Variants in ZFHX3 observed in about 807,000 individuals in gnomAD.
ZFHX3 encodes zinc finger homeobox 3.
A neutral mutation model predicts 279.1 loss-of-function variants in ZFHX3; 42 were observed. That is an observed-to-expected ratio of 0.15 (90% CI 0.12 to 0.19). ZFHX3 has a LOEUF of 0.19. ZFHX3 is among the 10% of genes least tolerant of loss of function. The pLI is 1.00. For missense variants in ZFHX3, 4,981 were observed against 4,754.0 expected (o/e 1.05, Z -1.40); for synonymous variants, 2,293 against 1,957.8 (o/e 1.17, Z -4.52).
intron 3 of ZFHX3, among the ~76,000 whole-genome samples, chr16:72,917,080 A>G (rs934585849): frequency 1.3e-5 from 2 of 152,180 alleles, no homozygotes; most frequent in African/African-American, 2.4e-5. Context: ...CGCTACAAAA[A>G]AAACACAAAA....
intron 1 of ZFHX3, among the ~76,000 whole-genome samples, chr16:73,821,360 G>C (rs1960735825): frequency 6.6e-6 from 1 of 152,172 alleles, no homozygotes; most frequent in Non-Finnish European, 1.5e-5. Context: ...ATCTCTGATG[G>C]AATTTCTAAA....
chr16:73,309,906 CT>C (rs57812149), intron 4 of ZFHX3, among the ~76,000 whole-genome samples: 67 of 114,414 alleles, frequency 5.9e-4, no homozygotes, highest in South Asian at 1.6e-3. Context: ...TTTTTCTTGC[CT>C]TTTTTTTTTT....
At chr16:73,110,169 A>G (rs1398907610) in intron 7 of ZFHX3, among the ~76,000 whole-genome samples, 2 of 151,648 alleles carry the variant, frequency 1.3e-5, no homozygotes, top group Non-Finnish European at 2.9e-5. Context: ...GCGCCACTGC[A>G]CTCCAGCCTG....
At chr16:73,466,447 G>A (rs953820033) in intron 2 of ZFHX3, among the ~76,000 whole-genome samples, 2 of 152,158 alleles carry the variant, frequency 1.3e-5, no homozygotes, top group African/African-American at 4.8e-5. Flanking sequence ...GCACCACTGC[G>A]CTCCAGCTTG....
chr16:73,093,461 C>A (rs1436917836), exon 8 of ZFHX3: 1 of 497,636 alleles, frequency 2.0e-6, no homozygotes, highest in Non-Finnish European at 4.0e-6. Flanking sequence ...TTGGGGGTTC[C>A]AGGGCTCTCA....
chr16:73,854,453 G>T (rs1438598872), intron 1 of ZFHX3, among the ~76,000 whole-genome samples: 2 of 152,086 alleles, frequency 1.3e-5, no homozygotes, highest in African/African-American at 4.8e-5. Context: ...CTTGAACCCA[G>T]GAGGCAGTTG....
At chr16:73,689,951 C>A (rs2053132305) in intron 1 of ZFHX3, among the ~76,000 whole-genome samples, 3 of 151,962 alleles carry the variant, frequency 2.0e-5, no homozygotes, top group Admixed American at 2.0e-4. Flanking sequence ...TCCTGAGTAG[C>A]ATCACCCAGG....
At chr16:73,050,689 T>C (rs1965432391), upstream of ZFHX3, among the ~76,000 whole-genome samples, 1 of 152,176 alleles carries the variant, frequency 6.6e-6, no homozygotes, top group African/African-American at 2.4e-5. Flanking sequence ...GGCAGCTGCC[T>C]GATGTTAAAC....
chr16:73,301,388 T>A (rs1301748583), intron 4 of ZFHX3, among the ~76,000 whole-genome samples: 1 of 152,180 alleles, frequency 6.6e-6, no homozygotes, highest in African/African-American at 2.4e-5. Flanking sequence ...GGTCACTCAA[T>A]CTTGGATCTA....
chr16:73,366,652 C>T (rs79282910), intron 3 of ZFHX3, among the ~76,000 whole-genome samples: 3,929 of 151,120 alleles, frequency 0.026, 67 homozygotes, highest in Middle Eastern at 0.066. Flanking sequence ...AGCAATGGTT[C>T]CAGAGTAGCC....
intron 1 of ZFHX3, among the ~76,000 whole-genome samples, chr16:73,780,244 T>C (rs1959419182): frequency 6.9e-6 from 1 of 145,272 alleles, no homozygotes; most frequent in Non-Finnish European, 1.5e-5. Flanking sequence ...GCCTCCTGGG[T>C]TCAAGTGATT....
intron 5 of ZFHX3, among the ~76,000 whole-genome samples, chr16:72,815,171 G>A (rs1017812803): frequency 6.6e-6 from 1 of 152,186 alleles, no homozygotes; most frequent in Admixed American, 6.5e-5. Context: ...ACTTTGGAAG[G>A]CTGAGGTGGG....
chr16:73,705,284 A>G (rs113581009), intron 1 of ZFHX3, among the ~76,000 whole-genome samples: 1,840 of 152,296 alleles, frequency 0.012, 36 homozygotes, highest in African/African-American at 0.041. Flanking sequence ...AGCTGGCTCC[A>G]ACCCATCATT....
At chr16:73,191,984 C>T (rs1008383490) in intron 5 of ZFHX3, among the ~76,000 whole-genome samples, 2 of 152,228 alleles carry the variant, frequency 1.3e-5, no homozygotes, top group African/African-American at 4.8e-5. Context: ...GGGCCTCCCC[C>T]GTTAGAAGTG....
At chr16:73,062,267 AAC>A (rs1202782962), upstream of ZFHX3, 1 of 152,196 alleles carries the variant, frequency 6.6e-6, no homozygotes, top group Non-Finnish European at 1.5e-5. Context: ...TAGATATAAA[AAC>A]ACAAAAATAT....
chr16:73,774,789 T>A (rs1478732084), intron 1 of ZFHX3, among the ~76,000 whole-genome samples: 3 of 152,196 alleles, frequency 2.0e-5, no homozygotes, highest in Non-Finnish European at 4.4e-5. Context: ...TATTTGGAAC[T>A]GTGAGTGAGC....
intron 3 of ZFHX3, among the ~76,000 whole-genome samples, chr16:73,375,352 G>A (rs1236853363): frequency 6.6e-6 from 1 of 152,072 alleles, no homozygotes; most frequent in African/African-American, 2.4e-5. Context: ...GCCTCATCTT[G>A]TATGTTTCCT....
intron 1 of ZFHX3, among the ~76,000 whole-genome samples, chr16:73,758,804 A>G (rs568501302): frequency 3.9e-5 from 6 of 152,160 alleles, no homozygotes; most frequent in Non-Finnish European, 8.8e-5. Flanking sequence ...TTAGTTTTGT[A>G]TCTCCCCCTC....
chr16:73,590,750 A>G (rs1597015490), intron 2 of ZFHX3, among the ~76,000 whole-genome samples: 1 of 152,356 alleles, frequency 6.6e-6, no homozygotes, highest in Non-Finnish European at 1.5e-5. Flanking sequence ...ATTAACATAT[A>G]GAAGGCACAT....
Sources: allele counts gnomAD v4.1 joint callset (sites outside exome capture counted in the v4.1 genomes callset), GRCh38; gene constraint gnomAD v4.1.1; transcripts MANE v1.5; gene names NCBI Gene and HGNC (gene_info 2026-07-23, HGNC 2026-07-21).